The following ACSS3 variants were observed in gnomAD, a reference collection of about 807,000 sequenced individuals.
The protein encoded by ACSS3 is acyl-CoA synthetase short-chain family member 3, mitochondrial.
ACSS3 carries 64 observed loss-of-function variants against 84.2 expected under a neutral mutation model. That is an observed-to-expected ratio of 0.76 (90% CI 0.62 to 0.94). ACSS3 has a LOEUF of 0.94. Among genes scored for constraint, ACSS3 ranks in the 40% least tolerant of loss-of-function variants. ACSS3 has a pLI of 0.00. For missense variants in ACSS3, 815 were observed against 867.6 expected, an observed-to-expected ratio of 0.94 and a Z score of 0.76; for synonymous variants, 317 against 310.1, an observed-to-expected ratio of 1.02 and a Z score of -0.23.
intron 8 of ACSS3, among the ~76,000 whole-genome samples, chr12:81,190,766 G>C (rs986905103): frequency 1.3e-5 from 2 of 152,014 alleles, no homozygotes; most frequent in Non-Finnish European, 2.9e-5. Flanking sequence ...TTGGAGAAAA[G>C]CTATCAAATT....
intron 9 of ACSS3, among the ~76,000 whole-genome samples, chr12:81,213,932 C>CCTTCCTTCCTTCCTTCCTTCCTTCCTTT (rs1189369982): frequency 4.3e-4 from 33 of 76,694 alleles, no homozygotes; most frequent in African/African-American, 1.4e-3. Flanking sequence ...TTCCTTCCTT[C>CCTTCCTTCCTTCCTTCCTTCCTTCCTTT]CTTTCTCTCT....
At chr12:81,079,240 C>G (rs749143647) in intron 1 of ACSS3, among the ~76,000 whole-genome samples, 6 of 152,128 alleles carry the variant, frequency 3.9e-5, no homozygotes, top group Non-Finnish European at 7.4e-5. Context: ...ACAACAAACG[C>G]AGACACATTG....
chr12:81,096,776 C>A (rs979031250), intron 1 of ACSS3, among the ~76,000 whole-genome samples: 4 of 152,142 alleles, frequency 2.6e-5, no homozygotes. Flanking sequence ...CAGCTTCATC[C>A]ATGTCCCTGC....
At chr12:81,162,737 A>G (rs1307423268) in intron 7 of ACSS3, among the ~76,000 whole-genome samples, 2 of 152,068 alleles carry the variant, frequency 1.3e-5, no homozygotes, top group South Asian at 2.1e-4. Flanking sequence ...ACCTGCAGGC[A>G]TGTGCTGAAC....
chr12:81,114,965 C>T (rs1296218280), intron 2 of ACSS3, among the ~76,000 whole-genome samples: 1 of 152,062 alleles, frequency 6.6e-6, no homozygotes, highest in East Asian at 1.9e-4. Flanking sequence ...AAAGGTTTAC[C>T]TGCTTTTGAA....
chr12:81,200,895 A>G (rs1055003675), intron 9 of ACSS3, among the ~76,000 whole-genome samples: 1 of 151,462 alleles, frequency 6.6e-6, no homozygotes, highest in African/African-American at 2.4e-5. Flanking sequence ...CTGTCAAAAA[A>G]AAAAAAAAAA....
At chr12:81,147,898 T>C (rs974813631) in intron 5 of ACSS3, among the ~76,000 whole-genome samples, 1 of 151,710 alleles carries the variant, frequency 6.6e-6, no homozygotes, top group African/African-American at 2.4e-5. Context: ...AACGCACACA[T>C]GTATATATAT....
chr12:81,199,935 C>G (rs1228021381), intron 9 of ACSS3: 1 of 258,884 alleles, frequency 3.9e-6, no homozygotes, highest in Non-Finnish European at 7.7e-6. Context: ...CTCTGGCCAC[C>G]TTCTTGTGTT....
At chr12:81,118,565 G>A (rs1159123134) in intron 2 of ACSS3, among the ~76,000 whole-genome samples, 1 of 152,048 alleles carries the variant, frequency 6.6e-6, no homozygotes, top group Non-Finnish European at 1.5e-5. Flanking sequence ...TTGATGGGGA[G>A]TTAGGAGTTC....
chr12:81,091,207 C>A (rs1881649026), intron 1 of ACSS3, among the ~76,000 whole-genome samples: 1 of 151,758 alleles, frequency 6.6e-6, no homozygotes, highest in South Asian at 2.1e-4. Flanking sequence ...TTCCAAGGAT[C>A]TCAGATTAAG....
At chr12:81,228,817 CTT>C (rs1303012755) in intron 11 of ACSS3, among the ~76,000 whole-genome samples, 1 of 151,770 alleles carries the variant, frequency 6.6e-6, no homozygotes, top group East Asian at 1.9e-4. Flanking sequence ...AGTTAGGAGT[CTT>C]TGCTGTGAGC....
chr12:81,145,186 G>C (rs2135737744), intron 5 of ACSS3, among the ~76,000 whole-genome samples: 1 of 151,474 alleles, frequency 6.6e-6, no homozygotes, highest in Middle Eastern at 3.4e-3. Context: ...AAAGTGCTGG[G>C]ATTACAGGCA....
At chr12:81,166,992 T>A (rs745413280) in intron 7 of ACSS3, among the ~76,000 whole-genome samples, 1 of 152,174 alleles carries the variant, frequency 6.6e-6, no homozygotes, top group Non-Finnish European at 1.5e-5. Flanking sequence ...TGACTGCACA[T>A]CCACATGAAA....
intron 2 of ACSS3, among the ~76,000 whole-genome samples, chr12:81,127,725 A>T (rs1185268440): frequency 2.0e-5 from 3 of 152,114 alleles, no homozygotes. Context: ...GTTTTCTTTG[A>T]TGTGGTTTTG....
chr12:81,130,198 C>A (rs567356908), intron 2 of ACSS3, among the ~76,000 whole-genome samples: 1 of 152,294 alleles, frequency 6.6e-6, no homozygotes, highest in South Asian at 2.1e-4. Context: ...GAGGAATCGC[C>A]ACACTGTCTT....
At chr12:81,165,026 C>T (rs1016282236) in intron 7 of ACSS3, among the ~76,000 whole-genome samples, 5 of 152,032 alleles carry the variant, frequency 3.3e-5, no homozygotes, top group Non-Finnish European at 7.4e-5. Flanking sequence ...AAAATGATGA[C>T]TCAGCTATTA....
intron 9 of ACSS3, among the ~76,000 whole-genome samples, chr12:81,206,762 A>G (rs1302162813): frequency 6.6e-6 from 1 of 152,096 alleles, no homozygotes; most frequent in Non-Finnish European, 1.5e-5. Flanking sequence ...AGCTACATGA[A>G]TTTGGTTTGT....
At chr12:81,118,950 C>T (rs1419971691) in intron 2 of ACSS3, among the ~76,000 whole-genome samples, 1 of 152,160 alleles carries the variant, frequency 6.6e-6, no homozygotes, top group Non-Finnish European at 1.5e-5. Flanking sequence ...AAGGACCAAC[C>T]TGGCCACAGC....
At chr12:81,222,748 C>T (rs1203515793) in intron 11 of ACSS3, among the ~76,000 whole-genome samples, 2 of 151,996 alleles carry the variant, frequency 1.3e-5, no homozygotes, top group Admixed American at 6.6e-5. Context: ...GACCCCTTGA[C>T]TAGAAGTTGG....
Sources: gnomAD v4.1 joint callset for allele counts (sites outside exome capture counted in the v4.1 genomes callset) on GRCh38, gnomAD v4.1.1 for gene constraint, MANE v1.5 for transcripts, NCBI Gene and HGNC (gene_info 2026-07-23, HGNC 2026-07-21) for gene names.